The following RALYL variants were observed in gnomAD, a reference collection of about 807,000 sequenced individuals.
RALYL encodes RNA-binding Raly-like protein.
Under a neutral mutation model 35.1 loss-of-function variants are expected in RALYL, and 29 were observed. That is an observed-to-expected ratio of 0.83 (90% CI 0.61 to 1.13). The LOEUF (loss-of-function observed/expected upper bound fraction) is 1.13. Among genes scored for constraint, RALYL ranks in the 50% most tolerant of loss-of-function variants. RALYL has a pLI of 0.00. For synonymous variants in RALYL, 120 were observed against 127.6 expected (o/e 0.94, Z 0.40); for missense variants, 359 against 360.4 (o/e 1.00, Z 0.03).
intron 3 of RALYL, among the ~76,000 whole-genome samples, chr8:84,781,677 G>A (rs922581311): frequency 1.3e-5 from 2 of 152,158 alleles, no homozygotes; most frequent in African/African-American, 4.8e-5. Flanking sequence ...GAGAAAAGTA[G>A]CAAGAGTCAA....
At chr8:84,694,331 G>GA (rs1838699467) in intron 2 of RALYL, among the ~76,000 whole-genome samples, 1 of 151,284 alleles carries the variant, frequency 6.6e-6, no homozygotes, top group Admixed American at 6.6e-5. Flanking sequence ...AAACTATTGG[G>GA]AAAAAAAGAT....
chr8:84,468,308 T>G (rs2052059439), intron 1 of RALYL, among the ~76,000 whole-genome samples: 1 of 152,182 alleles, frequency 6.6e-6, no homozygotes, highest in African/African-American at 2.4e-5. Context: ...TGTTTAGTGC[T>G]TCTTTCAGGA....
At chr8:84,357,956 T>A (rs1204267670) in intron 1 of RALYL, among the ~76,000 whole-genome samples, 1 of 151,638 alleles carries the variant, frequency 6.6e-6, no homozygotes. Flanking sequence ...ATGATGGAAA[T>A]AAGTATTTTT....
intron 2 of RALYL, among the ~76,000 whole-genome samples, chr8:84,580,580 C>T (rs996088388): frequency 1.3e-5 from 2 of 152,018 alleles, no homozygotes; most frequent in South Asian, 2.1e-4. Flanking sequence ...CATTAGGTCC[C>T]GCCTGCAACA....
chr8:84,369,930 C>A (rs770018618), intron 1 of RALYL, among the ~76,000 whole-genome samples: 2 of 151,984 alleles, frequency 1.3e-5, no homozygotes, highest in Non-Finnish European at 1.5e-5. Flanking sequence ...TCAAAACAGA[C>A]GGATTAGAGA....
At chr8:84,341,075 A>G (rs574861193) in intron 1 of RALYL, among the ~76,000 whole-genome samples, 1 of 150,596 alleles carries the variant, frequency 6.6e-6, no homozygotes, top group East Asian at 2.0e-4. Context: ...GGTATGGAGC[A>G]TCTTTTCATA....
At chr8:84,259,392 CAT>C (rs1164106645) in intron 1 of RALYL, among the ~76,000 whole-genome samples, 8 of 152,208 alleles carry the variant, frequency 5.3e-5, no homozygotes, top group Middle Eastern at 6.8e-3. Context: ...AAAGCACTTT[CAT>C]ATATGTTATC....
chr8:84,343,992 T>C (rs1329591579), intron 1 of RALYL, among the ~76,000 whole-genome samples: 1 of 152,028 alleles, frequency 6.6e-6, no homozygotes, highest in Non-Finnish European at 1.5e-5. Context: ...TTTTACTGAT[T>C]ATGTTTAGAA....
At position 84,914,451 on chromosome 8, in the gene RALYL, G is replaced by A. The variant is rs186426086; in HGVS notation, c.859-6443G>A. 1.3e-4 allele frequency among the ~76,000 whole-genome samples: 20 copies of A among 152,094 alleles called. No homozygotes were observed. In the East Asian group the frequency reaches 3.3e-3, roughly 25 times the overall value. ...TGCAACTAGTTAAATATGATTGTCA[G>A]TGATCCCAAAACACTCAAAATACAA... On this transcript the variant is annotated intron_variant, in intron 8 of 8. Transcript: ENST00000521268.
intron 1 of RALYL, among the ~76,000 whole-genome samples, chr8:84,335,955 G>T (rs993373054): frequency 6.6e-6 from 1 of 151,940 alleles, no homozygotes; most frequent in Non-Finnish European, 1.5e-5. Context: ...AACAAATGAA[G>T]AAAAAGTTTA....
At position 84,636,965 on chromosome 8, in the gene RALYL, G is replaced by T. The variant is rs148811015; in HGVS notation, c.256+107388G>T. ...ATGTTGATGTTCTAACTATTCTGCT[G>T]TGGCTGGTCTTCACCTATGGAAGCT... On this transcript the variant is annotated intron_variant, in intron 2 of 8. Transcript: ENST00000521268. 1.3e-4 allele frequency among the ~76,000 whole-genome samples: 19 copies of T among 151,992 alleles called. No homozygotes were observed. The East Asian group carries it at 2.9e-3, about 23-fold the overall frequency.
intron 4 of RALYL, among the ~76,000 whole-genome samples, chr8:84,828,165 CA>C (rs532437216): frequency 4.6e-5 from 7 of 151,908 alleles, no homozygotes; most frequent in Non-Finnish European, 1.0e-4. Flanking sequence ...TTATTTGAAA[CA>C]AAAATAATTA....
At chr8:84,748,230 C>T (rs1809124082) in intron 2 of RALYL, among the ~76,000 whole-genome samples, 1 of 151,938 alleles carries the variant, frequency 6.6e-6, no homozygotes, top group Non-Finnish European at 1.5e-5. Context: ...TGAATACAAG[C>T]ATATATTTGA....
chr8:84,494,983 A>G (rs962765412), intron 1 of RALYL, among the ~76,000 whole-genome samples: 6 of 152,166 alleles, frequency 3.9e-5, no homozygotes, highest in African/African-American at 9.7e-5. Flanking sequence ...ACCGGTTTTC[A>G]AAGGGAATGC....
chr8:84,411,974 G>A lies in RALYL; in HGVS notation c.-23-117325G>A, dbSNP rs141785958. ...ATTTAAAAAAATTATCTCTAGTACAGTAAAGAAGAAGAAGTATGATAATAT... is the reference window on the plus strand; with the variant it reads ...ATTTAAAAAAATTATCTCTAGTACAATAAAGAAGAAGAAGTATGATAATAT... On this transcript the variant is annotated intron_variant, in intron 1 of 8. Coordinates refer to ENST00000521268, the MANE Select transcript of RALYL (RefSeq NM_173848.7). 4.1e-3 allele frequency among the ~76,000 whole-genome samples: 627 copies of A among 151,918 alleles called. 6 individuals are homozygous for A. Among genetic ancestry groups the A allele is most frequent in the African/African-American group, 0.014 (592 of 41,448 alleles).
chr8:84,617,679 A>C (rs1820123612), intron 2 of RALYL, among the ~76,000 whole-genome samples: 1 of 150,276 alleles, frequency 6.7e-6, no homozygotes, highest in Admixed American at 6.6e-5. Context: ...CCAGTTTTCA[A>C]AGGGAATGCT....
intron 7 of RALYL, among the ~76,000 whole-genome samples, chr8:84,878,238 G>C (rs984074823): frequency 6.6e-6 from 1 of 152,128 alleles, no homozygotes; most frequent in Non-Finnish European, 1.5e-5. Context: ...AAGGAAACTT[G>C]AGAGCACTTA....
At chr8:84,844,055 TG>T (rs1363497715) in intron 4 of RALYL, among the ~76,000 whole-genome samples, 1 of 151,954 alleles carries the variant, frequency 6.6e-6, no homozygotes, top group African/African-American at 2.4e-5. Context: ...GACATAGGCA[TG>T]GGCAAGGACT....
At chr8:84,798,726 G>A (rs1822503756) in intron 3 of RALYL, among the ~76,000 whole-genome samples, 2 of 152,198 alleles carry the variant, frequency 1.3e-5, no homozygotes, top group South Asian at 4.1e-4. Flanking sequence ...AATATAATGG[G>A]TGGATATTTT....
Sources: allele counts gnomAD v4.1 joint callset (sites outside exome capture counted in the v4.1 genomes callset), GRCh38; gene constraint gnomAD v4.1.1; transcripts MANE v1.5; gene names NCBI Gene and HGNC (gene_info 2026-07-23, HGNC 2026-07-21).